Variants in GALNT10 observed in about 807,000 individuals in gnomAD.
GALNT10 encodes GalNAc transferase 10.
GALNT10 carries 41 observed loss-of-function variants against 75.0 expected under a neutral mutation model. The ratio of observed to expected loss-of-function variants is 0.55; its 90% CI spans 0.43 to 0.71. The LOEUF is 0.71. Among genes scored for constraint, GALNT10 ranks in the 30% least tolerant of loss-of-function variants. The pLI is 0.00. For missense variants in GALNT10, 727 were observed against 818.5 expected, an observed-to-expected ratio of 0.89 and a Z score of 1.36; for synonymous variants, 302 against 313.0, an observed-to-expected ratio of 0.96 and a Z score of 0.37.
chr5:154,311,789 TTAG>T (rs1754523367), intron 3 of GALNT10, among the ~76,000 whole-genome samples: 1 of 152,120 alleles, frequency 6.6e-6, no homozygotes, highest in Non-Finnish European at 1.5e-5. Flanking sequence ...TTTTGTATTT[TTAG>T]TAGAGATGGA....
chr5:154,419,628 A>G lies in GALNT10; in HGVS notation c.*2656A>G, dbSNP rs1384689984. 2 of 152,218 alleles carry G rather than the reference A, an allele frequency of 1.3e-5. No homozygotes were observed. The highest frequency in any genetic ancestry group is 4.8e-5 in the African/African-American group (2 of 41,446). The allele number at this position is 152,218 out of a possible 1,614,324, so 9.4% of individuals were successfully genotyped here. A position where few individuals can be genotyped will look rare whatever the true frequency, so the allele number is the denominator to read the frequency against. On this transcript the variant is annotated 3_prime_UTR_variant, in exon 12 of 12. Coordinates refer to ENST00000297107, the MANE Select transcript of GALNT10 (RefSeq NM_198321.4). ...TCTGGCATTTGTCATTGCTGAGCCC[A>G]TATCAGTAGGTCCTGGGACTTGACA...
intron 1 of GALNT10, chr5:154,217,966 G>T: frequency 1.0e-6 from 1 of 972,380 alleles, no homozygotes; most frequent in Non-Finnish European, 1.2e-6. Context: ...TAAAAATGTT[G>T]GGGTAGGGAT....
In GALNT10 at chr5:154,294,880, A is replaced by T; in HGVS notation, c.224A>T (p.His75Leu). The T allele has an allele frequency of 6.2e-7, 1 of 1,605,836 alleles. No individual in the cohort carries two copies. The highest frequency in any genetic ancestry group is 2.2e-5 in the East Asian group (1 of 44,842). ...LGDGQKLKDWHDKEAIRRDAQ... is the reference protein window; with the variant it reads ...LGDGQKLKDWLDKEAIRRDAQ... ...GATGGGCAGAAGCTGAAGGACTGGCATGACAAGGAGGCCATCCGGAGGGAC... is the reference window on the plus strand; with the variant it reads ...GATGGGCAGAAGCTGAAGGACTGGCTTGACAAGGAGGCCATCCGGAGGGAC... Residue 75 changes from histidine (H) to leucine (L), a missense_variant, in exon 2 of 12, where the codon CAT becomes CTT. By Grantham distance (99) the His-to-Leu change is moderately conservative. Coordinates refer to ENST00000297107, the MANE Select transcript of GALNT10 (RefSeq NM_198321.4).
At chr5:154,309,030 T>A (rs549900359) in intron 3 of GALNT10, among the ~76,000 whole-genome samples, 1 of 152,088 alleles carries the variant, frequency 6.6e-6, no homozygotes, top group East Asian at 1.9e-4. Context: ...TAGATAGCAA[T>A]AAGTGATGTG....
intron 2 of GALNT10, among the ~76,000 whole-genome samples, chr5:154,296,011 C>T (rs915817270): frequency 2.6e-5 from 4 of 152,144 alleles, no homozygotes; most frequent in Admixed American, 6.5e-5. Context: ...AATAACTTAA[C>T]TGATGATAAG....
At chr5:154,343,851 A>G (rs1458624217) in intron 4 of GALNT10, among the ~76,000 whole-genome samples, 5 of 152,112 alleles carry the variant, frequency 3.3e-5, no homozygotes, top group Non-Finnish European at 1.5e-5. Flanking sequence ...GCCCACTTCT[A>G]ACATCTTTGT....
chr5:154,397,493 T>C (rs1300930850), intron 7 of GALNT10, among the ~76,000 whole-genome samples: 5 of 152,166 alleles, frequency 3.3e-5, no homozygotes, highest in Admixed American at 3.3e-4. Context: ...CACAGTAATT[T>C]TTCCCATTTT....
chr5:154,195,287 G>A (rs568038131), intron 1 of GALNT10, among the ~76,000 whole-genome samples: 22 of 152,334 alleles, frequency 1.4e-4, no homozygotes, highest in Non-Finnish European at 2.8e-4. Context: ...CAGAGGTTTC[G>A]TGTTTTACAT....
At chr5:154,348,128 A>G (rs1459187333) in intron 4 of GALNT10, among the ~76,000 whole-genome samples, 1 of 152,224 alleles carries the variant, frequency 6.6e-6, no homozygotes, top group Non-Finnish European at 1.5e-5. Context: ...GATCAATCGT[A>G]TTATTCTTCC....
At position 154,191,000 on chromosome 5, in the gene GALNT10, C is replaced by T. The variant is rs1252595960; in HGVS notation, c.134C>T (p.Ala45Val). 2.0e-6 allele frequency: 3 copies of T among 1,482,732 alleles called. No homozygotes were observed. Among genetic ancestry groups the T allele is most frequent in the South Asian group, 2.5e-5 (2 of 79,188 alleles). 91.8% of individuals were successfully genotyped at this position (1,482,732 alleles called of 1,614,324 possible). ...QPDGTPGGSG[A>V]AVAPAAGQGS... ...GACGGCACCCCTGGGGGATCGGGGG[C>T]GGCGGTGGCGCCGGCGGCGGGACAG... Residue 45 changes from alanine (A) to valine (V), a missense_variant, in exon 1 of 12, where the codon GCG (alanine) becomes GTG (valine). Physicochemically the swap from Ala to Val is moderately conservative, Grantham distance 64. Transcript: ENST00000297107.
intron 4 of GALNT10, among the ~76,000 whole-genome samples, chr5:154,341,787 C>A (rs897005629): frequency 4.6e-5 from 7 of 152,162 alleles, no homozygotes; most frequent in African/African-American, 1.4e-4. Context: ...GCCGAATATT[C>A]TTTGTAGTAG....
At chr5:154,339,937 G>GA (rs1245010658) in intron 4 of GALNT10, among the ~76,000 whole-genome samples, 1 of 152,216 alleles carries the variant, frequency 6.6e-6, no homozygotes, top group East Asian at 1.9e-4. Flanking sequence ...TCTTCCTTAG[G>GA]AAAGCTCCTG....
At chr5:154,221,636 A>G (rs1325303735) in intron 1 of GALNT10, among the ~76,000 whole-genome samples, 1 of 152,146 alleles carries the variant, frequency 6.6e-6, no homozygotes, top group East Asian at 1.9e-4. Flanking sequence ...AAAAAAAACC[A>G]CAGGAATGCA....
At chr5:154,203,253 C>A (rs35106158) in intron 1 of GALNT10, among the ~76,000 whole-genome samples, 26,059 of 151,968 alleles carry the variant, frequency 0.17, 2,461 homozygotes, top group South Asian at 0.29. Context: ...TCTCCTTCCA[C>A]CTCCCCCCGC....
chr5:154,280,460 C>T (rs1159382355), intron 1 of GALNT10, among the ~76,000 whole-genome samples: 1 of 152,104 alleles, frequency 6.6e-6, no homozygotes, highest in Non-Finnish European at 1.5e-5. Flanking sequence ...GATGGATATG[C>T]TAATTACCCT....
intron 1 of GALNT10, among the ~76,000 whole-genome samples, chr5:154,206,163 C>G (rs1172247537): frequency 8.5e-5 from 13 of 152,200 alleles, no homozygotes; most frequent in Non-Finnish European, 1.8e-4. Context: ...AAAAGATCCT[C>G]TCTTTCTGTG....
intron 4 of GALNT10, among the ~76,000 whole-genome samples, chr5:154,354,806 A>G (rs1434401438): frequency 6.6e-6 from 1 of 152,186 alleles, no homozygotes; most frequent in Non-Finnish European, 1.5e-5. Flanking sequence ...GGGTGGGAGA[A>G]AAAGAGATGC....
At chr5:154,403,206 G>C (rs1472733593) in intron 7 of GALNT10, among the ~76,000 whole-genome samples, 1 of 152,210 alleles carries the variant, frequency 6.6e-6, no homozygotes, top group Non-Finnish European at 1.5e-5. Context: ...TGCCAAGGAG[G>C]GTCTGTGTAG....
intron 4 of GALNT10, among the ~76,000 whole-genome samples, chr5:154,341,557 A>G (rs1445897370): frequency 6.6e-6 from 1 of 152,168 alleles, no homozygotes; most frequent in African/African-American, 2.4e-5. Flanking sequence ...AGAATATTCT[A>G]AATAATAACC....
Sources: gnomAD v4.1 joint callset for allele counts (sites outside exome capture counted in the v4.1 genomes callset) on GRCh38, gnomAD v4.1.1 for gene constraint, MANE v1.5 for transcripts, NCBI Gene and HGNC (gene_info 2026-07-23, HGNC 2026-07-21) for gene names.